UNC13C: variants seen among roughly 807,000 people sequenced by gnomAD.
UNC13C encodes the protein unc-13 homolog C, also known as protein unc-13 homolog C.
Under a neutral mutation model 245.4 loss-of-function variants are expected in UNC13C, and 174 were observed. The observed-to-expected ratio is 0.71, with a 90% confidence interval of 0.63 to 0.80. UNC13C has a LOEUF of 0.80. UNC13C is among the 30% of genes least tolerant of loss of function. The probability of loss-of-function intolerance (pLI) is 0.00; values close to 1 mark genes in which losing one functional copy is unlikely to be tolerated. For synonymous variants in UNC13C, 992 were observed against 895.1 expected (o/e 1.11, Z -1.93); for missense variants, 2,829 against 2,602.9 (o/e 1.09, Z -1.89).
intron 4 of UNC13C, among the ~76,000 whole-genome samples, chr15:54,209,230 GA>G (rs2034805222): frequency 6.6e-6 from 1 of 152,080 alleles, no homozygotes; most frequent in African/African-American, 2.4e-5. Flanking sequence ...CCAAAGAAGG[GA>G]AAAGGGCTCT....
intron 1 of UNC13C, among the ~76,000 whole-genome samples, chr15:54,008,049 T>A (rs1895220536): frequency 6.6e-6 from 1 of 152,400 alleles, no homozygotes; most frequent in South Asian, 2.1e-4. Context: ...AAATTGTTTG[T>A]TGATCTGAAA....
chr15:54,343,138 C>CTT (rs746795837), intron 17 of UNC13C, among the ~76,000 whole-genome samples: 8 of 144,978 alleles, frequency 5.5e-5, no homozygotes, highest in African/African-American at 1.3e-4. Context: ...CCATGCATAA[C>CTT]TTTTTTTTTT....
the UNC13C span, among the ~76,000 whole-genome samples, chr15:53,929,303 G>A: frequency 3.2e-4 from 49 of 152,258 alleles, no homozygotes; most frequent in African/African-American, 1.2e-3. Context: ...TGACATGTGA[G>A]AAATATGGGA....
chr15:53,840,298 A>G, the UNC13C span, among the ~76,000 whole-genome samples: 1 of 152,152 alleles, frequency 6.6e-6, no homozygotes, highest in Non-Finnish European at 1.5e-5. Flanking sequence ...TTCTTATTCT[A>G]AATGTCTAAT....
chr15:54,172,630 T>C (rs967360716), intron 4 of UNC13C, among the ~76,000 whole-genome samples: 1 of 147,892 alleles, frequency 6.8e-6, no homozygotes, highest in Non-Finnish European at 1.5e-5. Context: ...CTATAAATAT[T>C]TTTATATGAT....
the UNC13C span, among the ~76,000 whole-genome samples, chr15:53,961,673 C>G: frequency 1.0e-3 from 159 of 152,204 alleles, no homozygotes; most frequent in African/African-American, 3.8e-3. Flanking sequence ...TATGTCCATG[C>G]CAGGAAAAAA....
At chr15:54,450,302 A>C (rs1375478490) in intron 19 of UNC13C, among the ~76,000 whole-genome samples, 2 of 152,240 alleles carry the variant, frequency 1.3e-5, no homozygotes, top group Non-Finnish European at 2.9e-5. Flanking sequence ...CAAAGCTGTC[A>C]CACAGGGACA....
intron 2 of UNC13C, among the ~76,000 whole-genome samples, chr15:54,113,281 T>G (rs1440234625): frequency 6.6e-6 from 1 of 152,168 alleles, no homozygotes; most frequent in Non-Finnish European, 1.5e-5. Context: ...TCTGTGTAGC[T>G]TTATGGCATT....
In UNC13C at chr15:54,476,815, C is replaced by G. The variant is rs905682156; in HGVS notation, c.4934-17793C>G. Among the ~76,000 whole-genome samples, 42 of 150,908 alleles carry G rather than the reference C, an allele frequency of 2.8e-4. 1 individual carries two copies. Among genetic ancestry groups the G allele is most frequent in the Middle Eastern group, 3.4e-3 (1 of 290 alleles). On this transcript the variant is annotated intron_variant, in intron 19 of 32. Coordinates refer to ENST00000260323, the MANE Select transcript of UNC13C (RefSeq NM_001080534.3). ...GGGCTCTTTTTTGGTTCCATATGAA[C>G]TTTAAAGTAATTTTTCCAATTCTGT...
chr15:54,406,208 G>A (rs1188357957), intron 18 of UNC13C, among the ~76,000 whole-genome samples: 3 of 152,170 alleles, frequency 2.0e-5, no homozygotes, highest in Non-Finnish European at 4.4e-5. Flanking sequence ...TTGCGGGGAC[G>A]TGTATAGAAG....
intron 2 of UNC13C, among the ~76,000 whole-genome samples, chr15:54,056,921 G>A (rs564426370): frequency 2.5e-4 from 38 of 152,194 alleles, no homozygotes; most frequent in African/African-American, 4.3e-4. Context: ...GAGAGATTTC[G>A]TCACCACCAG....
intron 4 of UNC13C, among the ~76,000 whole-genome samples, chr15:54,215,604 A>G (rs888813881): frequency 1.3e-5 from 2 of 151,984 alleles, no homozygotes; most frequent in Admixed American, 1.3e-4. Flanking sequence ...AATTTAGTAG[A>G]ATACAAAGCC....
intron 18 of UNC13C, among the ~76,000 whole-genome samples, chr15:54,412,104 G>C (rs147695044): frequency 0.013 from 2,036 of 152,102 alleles, 42 homozygotes; most frequent in African/African-American, 0.047. Flanking sequence ...TACTCGGGAG[G>C]CTGAGGCAAG....
intron 19 of UNC13C, among the ~76,000 whole-genome samples, chr15:54,486,248 A>ACACACACACACAC: frequency 2.3e-5 from 1 of 42,742 alleles, no homozygotes; most frequent in Non-Finnish European, 4.7e-5. Context: ...CAGATCTATT[A>ACACACACACACAC]AAACACACAC....
intron 16 of UNC13C, among the ~76,000 whole-genome samples, chr15:54,335,858 T>C (rs920934964): frequency 6.6e-6 from 1 of 152,168 alleles, no homozygotes. Context: ...TATGTTTTTA[T>C]GTTCCTTGGG....
chr15:54,134,435 T>G (rs1344235893), intron 2 of UNC13C, among the ~76,000 whole-genome samples: 1 of 129,642 alleles, frequency 7.7e-6, no homozygotes, highest in Non-Finnish European at 1.8e-5. Context: ...TGTGTGTGTG[T>G]GTGCGTTTGT....
chr15:54,597,042 G>A lies in UNC13C; in HGVS notation c.6107-25285G>A, dbSNP rs540735504. On this transcript the variant is annotated intron_variant, in intron 30 of 32. Coordinates refer to ENST00000260323, the MANE Select transcript of UNC13C (RefSeq NM_001080534.3). ...AAGAGCTGTTCCCAATCTTTTTGGCGCCAGAGACTGGTTTCATCTTGGGCA... is the reference window on the plus strand; with the variant it reads ...AAGAGCTGTTCCCAATCTTTTTGGCACCAGAGACTGGTTTCATCTTGGGCA... Among the ~76,000 whole-genome samples the A allele has an allele frequency of 2.0e-4, 30 of 152,240 alleles. No homozygotes were observed. In the South Asian group the frequency reaches 3.1e-3, roughly 16 times the overall value.
chr15:53,878,164 GT>G, the UNC13C span, among the ~76,000 whole-genome samples: 1 of 152,040 alleles, frequency 6.6e-6, no homozygotes, highest in Non-Finnish European at 1.5e-5. Context: ...GGACATACTT[GT>G]GTTCACAGGA....
intron 29 of UNC13C, among the ~76,000 whole-genome samples, chr15:54,559,747 A>T (rs8032415): frequency 6.6e-6 from 1 of 151,664 alleles, no homozygotes; most frequent in Non-Finnish European, 1.5e-5. Context: ...TGGGAGAAAG[A>T]CATTGCAGGC....
Sources: allele counts gnomAD v4.1 joint callset (sites outside exome capture counted in the v4.1 genomes callset), GRCh38; gene constraint gnomAD v4.1.1; transcripts MANE v1.5; gene names NCBI Gene and HGNC (gene_info 2026-07-23, HGNC 2026-07-21).